The following CTNND1 variants were observed in gnomAD, a reference collection of about 807,000 sequenced individuals.
CTNND1 encodes the protein catenin delta-1.
CTNND1 carries 16 observed loss-of-function variants against 112.1 expected under a neutral mutation model. The observed-to-expected ratio is 0.14, with a 90% CI of 0.10 to 0.22. The LOEUF (loss-of-function observed/expected upper bound fraction) is 0.22, where lower values mean the gene tolerates loss of function less well. Among genes scored for constraint, CTNND1 ranks in the 10% least tolerant of loss-of-function variants. The pLI is 1.00. For missense variants in CTNND1, 1,008 were observed against 1,257.0 expected (o/e 0.80, Z 3.00); for synonymous variants, 420 against 446.5 (o/e 0.94, Z 0.75).
At chr11:57,804,955 GTGA>G (rs1182517897) in intron 9 of CTNND1, among the ~76,000 whole-genome samples, 175 bp downstream of exon 9, 1 of 152,226 alleles carries the variant, frequency 6.6e-6, no homozygotes, top group Non-Finnish European at 1.5e-5. Flanking sequence ...CTGGGGTGCA[GTGA>G]TGTGATCTCA....
intron 4 of CTNND1, 30 bp downstream of exon 4, chr11:57,794,111 T>C: frequency 6.3e-7 from 1 of 1,598,040 alleles, no homozygotes; most frequent in Non-Finnish European, 8.6e-7. Flanking sequence ...CCTGGGTTGC[T>C]TCATTCATAT....
At chr11:57,772,873 TCTC>T (rs1953052959) in intron 1 of CTNND1, among the ~76,000 whole-genome samples, 1 of 151,904 alleles carries the variant, frequency 6.6e-6, no homozygotes, top group Non-Finnish European at 1.5e-5. Flanking sequence ...CTCTCACCCG[TCTC>T]CTCCTCTCTC....
In CTNND1 at chr11:57,768,985, AT is replaced by A. The variant is rs539357671; in HGVS notation, c.-214+6878del. Among the ~76,000 whole-genome samples the A allele has an allele frequency of 3.8e-3, 556 of 146,774 alleles. 6 individuals are homozygous for A. The East Asian group carries it at 0.049, about 13-fold the overall frequency. The stretch of plus-strand genomic sequence containing the variant: ...GTACTTAAGCCAATTTCTTTGAATA[AT>A]TTTTTTTTTTTACATTTTTATTTTA... On this transcript the variant is annotated intron_variant, in intron 1 of 20. Coordinates refer to ENST00000399050, the MANE Select transcript of CTNND1 (RefSeq NM_001085458.2).
At chr11:57,806,554 G>A in intron 11 of CTNND1, 76 bp downstream of exon 11, 1 of 1,334,644 alleles carries the variant, frequency 7.5e-7, no homozygotes, top group Admixed American at 2.0e-5. Context: ...GTATGTCCTT[G>A]CCTAACCTTT....
chr11:57,808,980 A>C (rs1447685932), intron 14 of CTNND1, among the ~76,000 whole-genome samples: 1 of 152,208 alleles, frequency 6.6e-6, no homozygotes, highest in African/African-American at 2.4e-5. Flanking sequence ...AATTATTATA[A>C]TATTCAAGAT....
At chr11:57,762,762 C>T (rs1950159265) in intron 1 of CTNND1, among the ~76,000 whole-genome samples, 1 of 152,138 alleles carries the variant, frequency 6.6e-6, no homozygotes, top group Non-Finnish European at 1.5e-5. Flanking sequence ...ACTGAATTGC[C>T]ATCTCCTTCT....
In CTNND1 at chr11:57,801,981, C is replaced by G. The variant is rs1378535029; in HGVS notation, c.1205C>G (p.Thr402Ser). Residue 402 changes from threonine to serine, a missense_variant, in exon 7 of 21, where the codon ACT (threonine) becomes AGT (serine). This residue lies in a region of CTNND1 where 216 missense variants were observed against 342.8 expected (regional missense o/e 0.63). Transcript: ENST00000399050. ...HLCYRNDKVK[T>S]DVRKLKGIPV... ...TGCTACCGCAATGACAAGGTGAAGA[C>G]TGACGTGCGGAAGCTCAAGGGCATC... is the stretch of plus-strand genomic sequence containing the variant. 1.5e-5 allele frequency: 24 copies of G among 1,613,946 alleles called. No individual in the cohort carries two copies. Among genetic ancestry groups the G allele is most frequent in the Non-Finnish European group, 2.0e-5 (24 of 1,179,918 alleles).
At chr11:57,799,895 A>G (rs2061786448) in intron 6 of CTNND1, among the ~76,000 whole-genome samples, 1 of 146,214 alleles carries the variant, frequency 6.8e-6, no homozygotes. Flanking sequence ...ACTATATCCT[A>G]TTTTCCCTCT....
chr11:57,816,238 G>A lies in CTNND1; in HGVS notation c.2896-59G>A, dbSNP rs1202005143. ...CTCCAGATTTGCTCAACTTTTTTGG[G>A]GGGGGTCTCCTTAATCCCAACCCCA... On this transcript the variant is annotated intron_variant, in intron 20 of 20. Transcript: ENST00000399050. 1.5e-5 allele frequency: 24 copies of A among 1,602,294 alleles called. No individual in the cohort carries two copies. The East Asian group carries it at 2.7e-4, about 18-fold the overall frequency.
At chr11:57,780,065 T>TC (rs1461198235) in intron 1 of CTNND1, among the ~76,000 whole-genome samples, 1 of 56,216 alleles carries the variant, frequency 1.8e-5, no homozygotes, top group Non-Finnish European at 4.7e-5. Flanking sequence ...ACTTTTTTTT[T>TC]TTTTTTGAGA....
In CTNND1 at chr11:57,795,687, G is replaced by A. The variant is rs1468368154; in HGVS notation, c.378G>A (p.Val126=). The change falls in exon 5 of 21, where the codon GTG becomes GTA. Residue 126 remains valine (V), a synonymous_variant. Transcript: ENST00000399050. The part of the protein sequence containing the change: ...DPEGAMSVVS[V]ETSDDGTTRR... ...AGGGAGCCATGTCTGTAGTCTCTGT[G>A]GAGACCTCAGATGATGGGACCACTC... The A allele has an allele frequency of 1.9e-6, 3 of 1,608,832 alleles. No homozygotes were observed. The highest frequency in any genetic ancestry group is 2.5e-6 in the Non-Finnish European group (3 of 1,177,766).
rs937193504 is a variant in CTNND1 at position 57,778,783 on chromosome 11, G to C, written c.-213-10254G>C. On this transcript the variant is annotated intron_variant, in intron 1 of 20. Transcript: ENST00000399050. ...GACAGGAAGTGAGAAAGCTGGGAGT[G>C]GGGGAACAGAGAGGGTCGATGTCTT... Among the ~76,000 whole-genome samples, 6 of 152,300 alleles carry C rather than the reference G, an allele frequency of 3.9e-5. No homozygotes were observed. In the South Asian group the frequency reaches 1.2e-3, roughly 32 times the overall value.
In CTNND1 at chr11:57,808,141, T is replaced by C. The variant is rs1413709363; in HGVS notation, c.1964-24T>C. 1.9e-6 allele frequency: 3 copies of C among 1,600,894 alleles called. No individual in the cohort carries two copies. The African/African-American group carries it at 4.0e-5, about 21-fold the overall frequency. ...TTTATTGGTACTGATTAGCACCCTC[T>C]GCTTCTATTTCTCTTTTGTGCAGGC... On this transcript the variant is annotated intron_variant, in intron 12 of 20. Transcript: ENST00000399050.
Position 57,819,499 on chromosome 11 carries a change from T to G in CTNND1, c.*3191T>G, listed in dbSNP as rs1243183663. ...CTACTCTTCTCTCTTCCTTCTGGATTGGTCCATTTGTTTATCTCATTCAAT... is the reference window on the plus strand; with the variant it reads ...CTACTCTTCTCTCTTCCTTCTGGATGGGTCCATTTGTTTATCTCATTCAAT... On this transcript the variant is annotated 3_prime_UTR_variant, in exon 21 of 21. Transcript: ENST00000399050. The G allele has an allele frequency of 6.6e-6, 1 of 152,222 alleles. No homozygotes were observed. Among genetic ancestry groups the G allele is most frequent in the Non-Finnish European group, 1.5e-5 (1 of 68,042 alleles). 9.4% of individuals were successfully genotyped at this position (152,222 alleles called of 1,614,324 possible).
chr11:57,767,979 G>A (rs1223738321), intron 1 of CTNND1, among the ~76,000 whole-genome samples: 13 of 151,776 alleles, frequency 8.6e-5, no homozygotes, highest in Non-Finnish European at 5.9e-5. Flanking sequence ...GACTACAGGT[G>A]CCCGCCACCA....
chr11:57,770,803 C>T (rs1198685856), intron 1 of CTNND1, among the ~76,000 whole-genome samples: 1 of 152,070 alleles, frequency 6.6e-6, no homozygotes, highest in Admixed American at 6.6e-5. Flanking sequence ...ATCAAAGCAC[C>T]TGCAGTTCCC....
At chr11:57,784,568 A>G (rs1565307453) in intron 1 of CTNND1, among the ~76,000 whole-genome samples, 1 of 152,052 alleles carries the variant, frequency 6.6e-6, no homozygotes, top group Non-Finnish European at 1.5e-5. Context: ...CAGTGGCACA[A>G]TCTCGGCACA....
chr11:57,817,869 T>C lies in CTNND1; in HGVS notation c.*1561T>C. 6.6e-6 allele frequency: 1 copy of C among 152,552 alleles called. No homozygotes were observed. Among genetic ancestry groups the C allele is most frequent in the East Asian group, 1.9e-4 (1 of 5,190 alleles). 9.4% of individuals were successfully genotyped at this position (152,552 alleles called of 1,614,324 possible). On this transcript the variant is annotated 3_prime_UTR_variant, in exon 21 of 21. Coordinates refer to ENST00000399050, the MANE Select transcript of CTNND1 (RefSeq NM_001085458.2). ...TTATTATTTCTAATCCTTTTCCTTA[T>C]TTGCCTTCTACTCCCCTTAATCTAA...
intron 2 of CTNND1, 141 bp from the exon 3 acceptor site, chr11:57,791,244 G>T: frequency 1.9e-6 from 1 of 526,054 alleles, no homozygotes; most frequent in Non-Finnish European, 2.9e-6. Context: ...CACTGGTGAT[G>T]GGCTCCCAGG....
Sources: allele counts gnomAD v4.1 joint callset (sites outside exome capture counted in the v4.1 genomes callset), GRCh38; gene constraint gnomAD v4.1.1; regional missense constraint gnomAD v4.1.1; transcripts MANE v1.5; gene names NCBI Gene and HGNC (gene_info 2026-07-23, HGNC 2026-07-21).